TSPAN10: variants seen among roughly 807,000 people sequenced by gnomAD.
TSPAN10 encodes the protein tetraspanin 10.
Under a neutral mutation model 15.0 loss-of-function variants are expected in TSPAN10, and 11 were observed. The observed-to-expected ratio is 0.73, with a 90% CI of 0.46 to 1.21. The LOEUF is 1.21. TSPAN10 is among the 50% of genes most tolerant of loss of function. The pLI is 0.00. For synonymous variants in TSPAN10, 241 were observed against 226.2 expected (o/e 1.07, Z -0.59); for missense variants, 486 against 470.6 (o/e 1.03, Z -0.30).
At chr17:81,646,011 G>T (rs7405629) in intron 2 of TSPAN10, 1 of 343,576 alleles carries the variant, frequency 2.9e-6, no homozygotes, top group South Asian at 2.8e-5. Flanking sequence ...GCGGCCCCCA[G>T]AACGTGCAGG....
exon 2 of TSPAN10, chr17:81,645,060 C>T: frequency 6.3e-7 from 1 of 1,597,378 alleles, no homozygotes; most frequent in Non-Finnish European, 8.5e-7. Flanking sequence ...GTCCAGTGCC[C>T]AGGGAGGACC....
chr17:81,637,222 AG>A, exon 1 of TSPAN10: 1 of 476,922 alleles, frequency 2.1e-6, no homozygotes, highest in Non-Finnish European at 3.8e-6. Flanking sequence ...CAACTGGAGG[AG>A]GGGATTTTGG....
At chr17:81,641,316 A>G (rs2036175437), upstream of TSPAN10, among the ~76,000 whole-genome samples, 1 of 152,070 alleles carries the variant, frequency 6.6e-6, no homozygotes, top group South Asian at 2.1e-4. Context: ...GGAGCCCAGA[A>G]GCTCAGCCTG....
chr17:81,642,033 T>C (rs1295769230), upstream of TSPAN10, among the ~76,000 whole-genome samples: 1 of 151,836 alleles, frequency 6.6e-6, no homozygotes, highest in African/African-American at 2.4e-5. Context: ...GGTTGGGAGC[T>C]GATGGAGCGG....
intron 2 of TSPAN10, chr17:81,645,890 T>G: frequency 1.7e-6 from 1 of 600,714 alleles, no homozygotes; most frequent in Non-Finnish European, 3.0e-6. Flanking sequence ...AGCCTCACAC[T>G]CAGGCACACA....
At chr17:81,642,360 C>T (rs1329205144), upstream of TSPAN10, 1 of 1,609,732 alleles carries the variant, frequency 6.2e-7, no homozygotes, top group South Asian at 1.1e-5. Context: ...ACAGAGGAGC[C>T]AGCGAACCTC....
In TSPAN10 at chr17:81,645,338, G is replaced by A. The variant is rs560589532; in HGVS notation, c.383G>A (p.Gly128Glu). 2.5e-6 allele frequency: 4 copies of A among 1,571,068 alleles called. No individual in the cohort carries two copies. The African/African-American group carries it at 4.1e-5, about 16-fold the overall frequency. Residue 128 changes from glycine (G) to glutamate (E), a missense_variant, in exon 2 of 3, where the codon GGG becomes GAG. Transcript: ENST00000611590. ...CCCATGCTGGGGCTGGCACTGGGAG[G>A]GCTGGTGGTCAGCGCAGTGAGCCTG...
chr17:81,641,455 A>G (rs1326730287), upstream of TSPAN10, among the ~76,000 whole-genome samples: 1 of 143,392 alleles, frequency 7.0e-6, no homozygotes, highest in Non-Finnish European at 1.5e-5. Context: ...CCTCCCTCCC[A>G]CCCCCATCTC....
intron 2 of TSPAN10, chr17:81,646,668 A>G (rs2036257685): frequency 7.2e-6 from 1 of 138,680 alleles, no homozygotes; most frequent in African/African-American, 2.7e-5. Context: ...CGATGGAGGG[A>G]GACTCTGTCT....
intron 1 of TSPAN10, 54 bp from the exon 3 acceptor site, chr17:81,644,938 T>C: frequency 6.3e-7 from 1 of 1,598,754 alleles, no homozygotes; most frequent in Non-Finnish European, 8.5e-7. Flanking sequence ...CCCTCACCAG[T>C]TGTCACAGAG....
At chr17:81,643,942 C>T (rs12942702) in intron 1 of TSPAN10, among the ~76,000 whole-genome samples, 75,830 of 150,722 alleles carry the variant, frequency 0.5, 21,052 homozygotes, top group East Asian at 0.99. Flanking sequence ...TGGGTTCAAG[C>T]GATTCTCCTG....
chr17:81,647,819 G>T, intron 2 of TSPAN10, 82 bp from the exon 4 acceptor site: 1 of 1,461,200 alleles, frequency 6.8e-7, no homozygotes, highest in Non-Finnish European at 9.3e-7. Flanking sequence ...GGTGAAGGTG[G>T]GTAGGCGACA....
chr17:81,644,271 G>A (rs66660345), intron 1 of TSPAN10, among the ~76,000 whole-genome samples: 76,307 of 151,644 alleles, frequency 0.5, 21,093 homozygotes, highest in East Asian at 0.99. Context: ...GGGCCAGGGG[G>A]TCCCCTCTGA....
At chr17:81,642,286 C>T (rs773817056), upstream of TSPAN10, 6 of 1,071,126 alleles carry the variant, frequency 5.6e-6, no homozygotes, top group Admixed American at 9.7e-5. Context: ...ATTCCCATGC[C>T]CAGGGCTGCA....
intron 2 of TSPAN10, among the ~76,000 whole-genome samples, chr17:81,646,919 A>G (rs2036262850): frequency 6.6e-6 from 1 of 151,552 alleles, no homozygotes; most frequent in Admixed American, 6.6e-5. Flanking sequence ...ATCTCGGCTC[A>G]CTGTAAAGAG....
At chr17:81,641,953 T>G (rs1047710285), upstream of TSPAN10, among the ~76,000 whole-genome samples, 1 of 152,084 alleles carries the variant, frequency 6.6e-6, no homozygotes, top group African/African-American at 2.4e-5. Context: ...GGGGATAGAT[T>G]GGCGCTGGGG....
chr17:81,648,485 C>T (rs1338932829), downstream of TSPAN10: 3 of 516,192 alleles, frequency 5.8e-6, no homozygotes, highest in African/African-American at 2.0e-5. Flanking sequence ...CAACGCAGGG[C>T]GCCCGGCGAA....
Position 81,645,378 on chromosome 17 carries a change from C to T in TSPAN10, c.423C>T (p.Gly141=), listed in dbSNP as rs532564510. ...CAGTGAGCCTGGCTGGCTACCTGGG[C>T]GCCCTCTGTGAGAACACCTGCCTGT... The change falls in exon 2 of 3, where the codon GGC becomes GGT. Residue 141 remains glycine (G), a synonymous_variant. Coordinates refer to ENST00000611590, the Ensembl canonical transcript of TSPAN10. 23 of 1,596,732 alleles carry T rather than the reference C, an allele frequency of 1.4e-5. No individual in the cohort carries two copies. The East Asian group carries it at 2.5e-4, about 17-fold the overall frequency.
chr17:81,639,365 G>A (rs1271523498), upstream of TSPAN10, among the ~76,000 whole-genome samples: 3 of 151,616 alleles, frequency 2.0e-5, no homozygotes, highest in African/African-American at 4.8e-5. Context: ...GCGCTACCAC[G>A]CCCGGCTAAT....
Sources: gnomAD v4.1 joint callset for allele counts (sites outside exome capture counted in the v4.1 genomes callset) on GRCh38, gnomAD v4.1.1 for gene constraint, MANE v1.5 for transcripts, NCBI Gene and HGNC (gene_info 2026-07-23, HGNC 2026-07-21) for gene names.